Variants in CAMK2B observed in about 807,000 individuals in gnomAD.
CAMK2B encodes the protein calcium/calmodulin-dependent protein kinase type II subunit beta.
A neutral mutation model predicts 93.7 loss-of-function variants in CAMK2B; 27 were observed. The ratio of observed to expected loss-of-function variants is 0.29; its 90% CI spans 0.21 to 0.40. The LOEUF is 0.40. Among genes scored for constraint, CAMK2B ranks in the 10% least tolerant of loss-of-function variants. The pLI is 1.00. For synonymous variants in CAMK2B, 374 were observed against 358.8 expected (o/e 1.04, Z -0.48); for missense variants, 568 against 895.8 (o/e 0.63, Z 4.67).
intron 1 of CAMK2B, 185 bp downstream of exon 1, chr7:44,325,172 C>T: frequency 6.0e-6 from 1 of 166,944 alleles, no homozygotes; most frequent in Non-Finnish European, 1.2e-5. Flanking sequence ...TGAGGTCAGG[C>T]AGCCAGGCCC....
rs928520733 is a variant in CAMK2B, at chr7:44,286,987, C to A, written c.66-2762G>T. Among the ~76,000 whole-genome samples the A allele has an allele frequency of 6.6e-6, 1 of 152,070 alleles. No individual in the cohort carries two copies. The highest frequency in any genetic ancestry group is 2.4e-5 in the African/African-American group (1 of 41,410). ...GTGCAGGGACCAGGGGTGCAGGGCC[C>A]GGGGGTGAAGAAGGCCCTGCTCTTG... On this transcript the variant is annotated intron_variant, in intron 1 of 23. Coordinates refer to ENST00000395749, the MANE Select transcript of CAMK2B (RefSeq NM_001220.5). The surrounding 1 kb of genome is among the most constrained non-coding windows in gnomAD (Gnocchi z 4.0).
chr7:44,250,862 G>T (rs1239374853), intron 5 of CAMK2B, among the ~76,000 whole-genome samples: 2 of 152,160 alleles, frequency 1.3e-5, no homozygotes, highest in East Asian at 3.8e-4. Flanking sequence ...TTAAAAATGG[G>T]TTCTAAATGT....
At chr7:44,229,006 G>T in intron 18 of CAMK2B, 82 bp from the exon 19 acceptor site, 1 of 1,363,876 alleles carries the variant, frequency 7.3e-7, no homozygotes, top group Non-Finnish European at 1.0e-6. Context: ...CAGTGGGAGG[G>T]GTCCCGTGTT....
intron 17 of CAMK2B, 34 bp from the exon 18 acceptor site, chr7:44,229,535 G>T (rs959458269): frequency 3.5e-6 from 4 of 1,137,778 alleles, no homozygotes; most frequent in Non-Finnish European, 4.7e-6. Context: ...GCAGGTGGGT[G>T]GTGCGCCCGC....
chr7:44,240,205 AC>A (rs1257447008), intron 12 of CAMK2B, among the ~76,000 whole-genome samples: 3 of 151,864 alleles, frequency 2.0e-5, no homozygotes, highest in East Asian at 1.9e-4. Context: ...AACAGACCCC[AC>A]CCCCCTGCCA....
At chr7:44,310,341 A>G (rs1793199115) in intron 1 of CAMK2B, among the ~76,000 whole-genome samples, 1 of 152,160 alleles carries the variant, frequency 6.6e-6, no homozygotes, top group Admixed American at 6.5e-5. Context: ...CTTCCACAGA[A>G]CCACTTCCTG....
At chr7:44,221,198 C>G (rs1358762768) in intron 20 of CAMK2B, among the ~76,000 whole-genome samples, 1 of 152,234 alleles carries the variant, frequency 6.6e-6, no homozygotes, top group East Asian at 1.9e-4. Flanking sequence ...AAAACCCACC[C>G]ACAATCCACT....
At chr7:44,287,428 T>G (rs1219033052) in intron 1 of CAMK2B, among the ~76,000 whole-genome samples, 1 of 152,176 alleles carries the variant, frequency 6.6e-6, no homozygotes, top group African/African-American at 2.4e-5. Flanking sequence ...CCGGGGAACT[T>G]GGGCTGGCAG....
At chr7:44,316,580 A>T (rs1446241854) in intron 1 of CAMK2B, among the ~76,000 whole-genome samples, 1 of 152,176 alleles carries the variant, frequency 6.6e-6, no homozygotes, top group Non-Finnish European at 1.5e-5. Context: ...GGGAGCTTGT[A>T]AAAGACTGGT....
At chr7:44,318,057 A>G (rs1196947100) in intron 1 of CAMK2B, among the ~76,000 whole-genome samples, 2 of 152,188 alleles carry the variant, frequency 1.3e-5, no homozygotes, top group African/African-American at 4.8e-5. Context: ...CCACATGGTC[A>G]TCTTCTTTGG....
In CAMK2B at chr7:44,311,813, T is replaced by G. The variant is rs1293203991; in HGVS notation, c.65+13544A>C. Among the ~76,000 whole-genome samples the G allele has an allele frequency of 1.3e-5, 2 of 152,160 alleles. No individual in the cohort carries two copies. The highest frequency in any genetic ancestry group is 4.8e-5 in the African/African-American group (2 of 41,448). ...AGGACAAGGGGAAGGGGTGTGTGAC[T>G]GACTCTGCCCTACCCCCACTCTGGG... On this transcript the variant is annotated intron_variant, in intron 1 of 23. Transcript: ENST00000395749. The surrounding 1 kb of genome is among the most constrained non-coding windows in gnomAD (Gnocchi z 4.2).
At chr7:44,269,493 T>G (rs1024703968) in intron 2 of CAMK2B, among the ~76,000 whole-genome samples, 1 of 152,182 alleles carries the variant, frequency 6.6e-6, no homozygotes, top group Admixed American at 6.5e-5. Context: ...AGGCCCCCTA[T>G]GCCATCCTCC....
chr7:44,287,043 C>A (rs974691642), intron 1 of CAMK2B, among the ~76,000 whole-genome samples: 1 of 152,038 alleles, frequency 6.6e-6, no homozygotes, highest in Non-Finnish European at 1.5e-5. Flanking sequence ...GTGGAGGGCA[C>A]CCTCAAGAAT....
intron 1 of CAMK2B, among the ~76,000 whole-genome samples, chr7:44,295,758 T>C (rs1788120845): frequency 6.6e-6 from 1 of 152,066 alleles, no homozygotes; most frequent in Non-Finnish European, 1.5e-5. Flanking sequence ...CAGGAGAAAT[T>C]ATCTTACTAC....
At chr7:44,291,168 C>T (rs1413712805) in intron 1 of CAMK2B, among the ~76,000 whole-genome samples, 1 of 152,188 alleles carries the variant, frequency 6.6e-6, no homozygotes, top group Non-Finnish European at 1.5e-5. Context: ...TGGATGCCTG[C>T]TTGGTATTTA....
chr7:44,250,483 G>A (rs569109485), intron 5 of CAMK2B, among the ~76,000 whole-genome samples: 6 of 151,282 alleles, frequency 4.0e-5, no homozygotes, highest in East Asian at 1.9e-4. Flanking sequence ...CAGACAGTCA[G>A]CATTGCACCA....
At chr7:44,304,293 G>A (rs1004178263) in intron 1 of CAMK2B, among the ~76,000 whole-genome samples, 26 of 152,216 alleles carry the variant, frequency 1.7e-4, no homozygotes, top group African/African-American at 5.8e-4. Flanking sequence ...ACCCGCAAAC[G>A]GATGTTTATT....
chr7:44,267,263 C>T (rs544102492), intron 2 of CAMK2B, among the ~76,000 whole-genome samples: 1 of 152,130 alleles, frequency 6.6e-6, no homozygotes, highest in Non-Finnish European at 1.5e-5. Context: ...GTCCCTGGGG[C>T]ACAAAAAGCC....
intron 19 of CAMK2B, among the ~76,000 whole-genome samples, chr7:44,227,715 G>A (rs1270771377): frequency 1.8e-4 from 3 of 16,304 alleles, no homozygotes; most frequent in South Asian, 2.7e-3. Context: ...ACCAAGGTGG[G>A]TGTGGGGGAC....
Sources: allele counts gnomAD v4.1 joint callset (sites outside exome capture counted in the v4.1 genomes callset), GRCh38; gene constraint gnomAD v4.1.1; non-coding constraint Gnocchi (gnomAD v3.1); transcripts MANE v1.5; gene names NCBI Gene and HGNC (gene_info 2026-07-23, HGNC 2026-07-21).